NRG1: variants seen among roughly 807,000 people sequenced by gnomAD.
NRG1 encodes the protein neuregulin 1, also known as pro-neuregulin-1, membrane-bound isoform.
Under a neutral mutation model 63.8 loss-of-function variants are expected in NRG1, and 18 were observed. The ratio of observed to expected loss-of-function variants is 0.28; its 90% CI spans 0.19 to 0.42. The LOEUF is 0.42. Ranked by LOEUF, NRG1 falls within the 10% of genes least tolerant of loss-of-function variation. NRG1 has a pLI of 1.00. For missense variants in NRG1, 762 were observed against 814.7 expected (o/e 0.94, Z 0.79); for synonymous variants, 302 against 301.3 (o/e 1.00, Z -0.02).
chr8:31,843,686 T>C (rs926276502), intron 1 of NRG1, among the ~76,000 whole-genome samples: 17 of 152,206 alleles, frequency 1.1e-4, no homozygotes, highest in African/African-American at 3.9e-4. Context: ...AGAAACACTT[T>C]AAGCCTTTTA....
intron 1 of NRG1, among the ~76,000 whole-genome samples, chr8:31,726,785 A>G (rs565020370): frequency 1.1e-4 from 1 of 9,334 alleles, no homozygotes; most frequent in Non-Finnish European, 2.9e-3. Flanking sequence ...TGAGGCAAGG[A>G]GGAGGGTTTG....
intron 1 of NRG1, among the ~76,000 whole-genome samples, chr8:31,707,145 GATTTTTT>G (rs1351631936): frequency 4.0e-5 from 6 of 151,860 alleles, no homozygotes; most frequent in African/African-American, 1.4e-4. Context: ...AATCTCCTGG[GATTTTTT>G]GTACTTTTGT....
At chr8:32,633,814 A>G (rs921964159) in intron 5 of NRG1, among the ~76,000 whole-genome samples, 1 of 152,106 alleles carries the variant, frequency 6.6e-6, no homozygotes, top group African/African-American at 2.4e-5. Context: ...GCTTAAAAAA[A>G]TAACTGAAGG....
At chr8:32,516,981 GACTTTATT>G (rs11278369) in intron 1 of NRG1, among the ~76,000 whole-genome samples, 67,167 of 151,376 alleles carry the variant, frequency 0.44, 15,624 homozygotes, top group Non-Finnish European at 0.51. Flanking sequence ...GAAAAAAGAT[GACTTTATT>G]AAGGATCTCT....
chr8:32,080,715 G>A (rs1827315973), intron 1 of NRG1, among the ~76,000 whole-genome samples: 1 of 151,750 alleles, frequency 6.6e-6, no homozygotes, highest in Admixed American at 6.6e-5. Context: ...ATATGGCAGG[G>A]AATATTAGTC....
intron 1 of NRG1, among the ~76,000 whole-genome samples, chr8:31,698,316 C>T (rs1810294769): frequency 6.6e-6 from 1 of 152,176 alleles, no homozygotes; most frequent in Admixed American, 6.5e-5. Context: ...TCTCTCATGA[C>T]AAGGACCAAT....
At chr8:32,532,212 G>A (rs1177903765) in intron 1 of NRG1, among the ~76,000 whole-genome samples, 1 of 152,170 alleles carries the variant, frequency 6.6e-6, no homozygotes, top group African/African-American at 2.4e-5. Flanking sequence ...GTTTACCAAA[G>A]TAAAGTTCAC....
intron 1 of NRG1, among the ~76,000 whole-genome samples, chr8:32,571,033 G>T (rs1165355148): frequency 6.6e-6 from 1 of 152,170 alleles, no homozygotes; most frequent in African/African-American, 2.4e-5. Flanking sequence ...ATGTCCACAT[G>T]AACTGCGCCT....
At chr8:31,839,385 T>C (rs913325673) in intron 1 of NRG1, among the ~76,000 whole-genome samples, 6 of 152,164 alleles carry the variant, frequency 3.9e-5, no homozygotes, top group Admixed American at 3.9e-4. Flanking sequence ...ACAGAAAATA[T>C]TTTCTTCATT....
chr8:32,065,639 T>C (rs1232921308), intron 1 of NRG1, among the ~76,000 whole-genome samples: 1 of 152,246 alleles, frequency 6.6e-6, no homozygotes, highest in African/African-American at 2.4e-5. Flanking sequence ...AGTGCCACTA[T>C]AAACATACCT....
At chr8:31,769,780 AG>A (rs1283096578) in intron 1 of NRG1, among the ~76,000 whole-genome samples, 1 of 152,154 alleles carries the variant, frequency 6.6e-6, no homozygotes, top group East Asian at 1.9e-4. Flanking sequence ...GAGGCAACCA[AG>A]TTGTATGGAT....
chr8:31,652,582 G>A (rs1804958246), intron 1 of NRG1, among the ~76,000 whole-genome samples: 2 of 152,172 alleles, frequency 1.3e-5, no homozygotes, highest in African/African-American at 4.8e-5. Flanking sequence ...TTAGGGCTCT[G>A]TGGATTTGCA....
At chr8:32,200,236 A>C (rs142402166) in intron 1 of NRG1, among the ~76,000 whole-genome samples, 154 of 152,074 alleles carry the variant, frequency 1.0e-3, no homozygotes, top group African/African-American at 3.4e-3. Context: ...GTGTTTTTTG[A>C]AGATGTCTTT....
intron 1 of NRG1, among the ~76,000 whole-genome samples, chr8:31,759,614 C>G (rs553331824): frequency 6.6e-6 from 1 of 152,188 alleles, no homozygotes; most frequent in Admixed American, 6.6e-5. Flanking sequence ...CAGTACCATA[C>G]TCTTAGTTAA....
chr8:31,987,570 A>G (rs1810304986), intron 1 of NRG1, among the ~76,000 whole-genome samples: 1 of 151,910 alleles, frequency 6.6e-6, no homozygotes, highest in Admixed American at 6.6e-5. Context: ...GAAGAGAGCA[A>G]TAGACACTGA....
intron 1 of NRG1, among the ~76,000 whole-genome samples, chr8:32,044,147 G>C (rs1820547600): frequency 6.6e-6 from 1 of 151,778 alleles, no homozygotes. Flanking sequence ...ACAATACTCA[G>C]GTTGCTATAT....
intron 1 of NRG1, among the ~76,000 whole-genome samples, chr8:32,078,318 C>A (rs543055477): frequency 7.9e-5 from 12 of 152,332 alleles, no homozygotes; most frequent in African/African-American, 2.9e-4. Flanking sequence ...TGTGACATGT[C>A]TATTCCTCCT....
intron 1 of NRG1, among the ~76,000 whole-genome samples, chr8:31,984,233 A>C (rs1809652250): frequency 6.6e-6 from 1 of 152,156 alleles, no homozygotes; most frequent in Non-Finnish European, 1.5e-5. Flanking sequence ...CTTCTTGAAC[A>C]ATGAGCAATG....
At chr8:32,229,222 T>A (rs927286271) in intron 1 of NRG1, among the ~76,000 whole-genome samples, 1 of 152,102 alleles carries the variant, frequency 6.6e-6, no homozygotes, top group African/African-American at 2.4e-5. Flanking sequence ...CTAAAAATCA[T>A]GCAAGGAGGT....
Sources: allele counts gnomAD v4.1 joint callset (sites outside exome capture counted in the v4.1 genomes callset), GRCh38; gene constraint gnomAD v4.1.1; transcripts MANE v1.5; gene names NCBI Gene and HGNC (gene_info 2026-07-23, HGNC 2026-07-21).